The following NRXN1 variants were observed in gnomAD, a reference collection of about 807,000 sequenced individuals.
The protein encoded by NRXN1 is neurexin 1, also known as neurexin-1.
NRXN1 carries 39 observed loss-of-function variants against 150.9 expected under a neutral mutation model. The ratio of observed to expected loss-of-function variants is 0.26; its 90% CI spans 0.20 to 0.34. NRXN1 has a LOEUF of 0.34. NRXN1 is among the 10% of genes least tolerant of loss of function. NRXN1 has a pLI of 1.00. For missense variants in NRXN1, 1,815 were observed against 1,949.9 expected, an observed-to-expected ratio of 0.93 and a Z score of 1.30; for synonymous variants, 924 against 757.0, an observed-to-expected ratio of 1.22 and a Z score of -3.62.
rs1697053920 is a variant in NRXN1, at chr2:50,076,097, T to C, written c.3718+15226A>G. Among the ~76,000 whole-genome samples the C allele has an allele frequency of 7.2e-5, 11 of 152,332 alleles. No homozygotes were observed. In the South Asian group the frequency reaches 2.3e-3, roughly 32 times the overall value. On this transcript the variant is annotated intron_variant, in intron 19 of 22. Transcript: ENST00000401669. ...TCTAAAATTGTACAGAACATATATT[T>C]TGTGCCACTCATTTGAACTATGTCT...
At chr2:50,238,049 T>G (rs1410469397) in intron 17 of NRXN1, among the ~76,000 whole-genome samples, 1 of 152,046 alleles carries the variant, frequency 6.6e-6, no homozygotes, top group Non-Finnish European at 1.5e-5. Context: ...TGAGGCCTCC[T>G]CAGCCACACA....
At position 50,236,577 on chromosome 2, in the gene NRXN1, CA is replaced by C. The variant is rs35377914; in HGVS notation, c.3546+211del. Among the ~76,000 whole-genome samples the C allele has an allele frequency of 0.47, 55,420 of 118,784 alleles. 10,526 individuals are homozygous for C. Among genetic ancestry groups the C allele is most frequent in the Middle Eastern group, 0.53 (124 of 232 alleles). 77.9% of individuals were successfully genotyped at this position (118,784 alleles called of 152,430 possible). ...ACAGAATTAAGAGGAATTCACACTC[CA>C]AAAAAAAAAAAAAAAAGTTTGCATT... On this transcript the variant is annotated intron_variant, in intron 18 of 22. Transcript: ENST00000401669.
intron 19 of NRXN1, among the ~76,000 whole-genome samples, chr2:50,074,750 T>C (rs778310832): frequency 6.6e-6 from 1 of 152,194 alleles, no homozygotes; most frequent in South Asian, 2.1e-4. Flanking sequence ...AAGTACATTA[T>C]CTTATAAAAC....
intron 5 of NRXN1, among the ~76,000 whole-genome samples, chr2:50,860,735 G>C (rs1349122180): frequency 1.3e-5 from 2 of 152,046 alleles, no homozygotes; most frequent in East Asian, 3.9e-4. Context: ...TTCTTCCTCT[G>C]TGCCAGGCCA....
intron 5 of NRXN1, among the ~76,000 whole-genome samples, chr2:50,685,073 G>C (rs1489823582): frequency 6.6e-6 from 1 of 152,120 alleles, no homozygotes; most frequent in African/African-American, 2.4e-5. Context: ...ATTTTGGCTT[G>C]TTTCTCTCCT....
chr2:50,590,849 T>C (rs147555621), intron 8 of NRXN1, among the ~76,000 whole-genome samples: 1 of 152,236 alleles, frequency 6.6e-6, no homozygotes, highest in Non-Finnish European at 1.5e-5. Context: ...GCCCAGTCTA[T>C]GGTATTTTTG....
At chr2:50,173,631 T>C (rs897331489) in intron 18 of NRXN1, among the ~76,000 whole-genome samples, 1 of 152,214 alleles carries the variant, frequency 6.6e-6, no homozygotes, top group East Asian at 1.9e-4. Flanking sequence ...TCTACATGCA[T>C]AACGAGCCCA....
rs543026180 is a variant in NRXN1 at position 50,360,870 on chromosome 2, A to T, written c.3364+104572T>A. Among the ~76,000 whole-genome samples, 310 of 152,192 alleles carry T rather than the reference A, an allele frequency of 2.0e-3. 1 individual carries two copies. Among genetic ancestry groups the T allele is most frequent in the African/African-American group, 7.2e-3 (297 of 41,512 alleles). ...TTTACCACATAATTGGAAGTAAAAC[A>T]CTCCTCGGCAAATGCAAAAGAACAG... On this transcript the variant is annotated intron_variant, in intron 17 of 22. Coordinates refer to ENST00000401669, the MANE Select transcript of NRXN1 (RefSeq NM_001330078.2).
At chr2:50,378,225 A>G (rs2080672967) in intron 17 of NRXN1, among the ~76,000 whole-genome samples, 1 of 152,192 alleles carries the variant, frequency 6.6e-6, no homozygotes, top group Non-Finnish European at 1.5e-5. Context: ...TGATTTTCAT[A>G]GGCATACATG....
chr2:49,966,801 G>C (rs543902797), intron 21 of NRXN1: 1 of 152,116 alleles, frequency 6.6e-6, no homozygotes, highest in African/African-American at 2.4e-5. Context: ...CTGAAGTTGA[G>C]AAGAGAATTC....
chr2:50,824,766 G>A (rs1670217164), intron 5 of NRXN1, among the ~76,000 whole-genome samples: 1 of 152,150 alleles, frequency 6.6e-6, no homozygotes, highest in Admixed American at 6.5e-5. Flanking sequence ...CAGCCTAGGA[G>A]CATGGATACA....
chr2:49,946,307 T>C (rs1222956665), intron 21 of NRXN1, among the ~76,000 whole-genome samples: 4 of 152,214 alleles, frequency 2.6e-5, no homozygotes, highest in Non-Finnish European at 5.9e-5. Context: ...GACAGATAGA[T>C]TGCAAAAATT....
intron 17 of NRXN1, among the ~76,000 whole-genome samples, chr2:50,284,759 G>T (rs1242328253): frequency 2.0e-5 from 3 of 152,024 alleles, no homozygotes; most frequent in South Asian, 2.1e-4. Flanking sequence ...TTAAAAAATT[G>T]TCATACAAAA....
In NRXN1 at chr2:51,028,280, G is replaced by T. The variant is rs202002348; in HGVS notation, c.-7C>A. 7 of 1,435,160 alleles carry T rather than the reference G, an allele frequency of 4.9e-6. No individual in the cohort carries two copies. The African/African-American group carries it at 7.2e-5, about 15-fold the overall frequency. 88.9% of individuals were successfully genotyped at this position (1,435,160 alleles called of 1,614,324 possible). On this transcript the variant is annotated 5_prime_UTR_variant, in exon 2 of 23. Coordinates refer to ENST00000401669, the MANE Select transcript of NRXN1 (RefSeq NM_001330078.2). ...GGAGCAGCGCCGTCCCCATGCTCGG[G>T]GCTGGGGTGCGGCGGGGGGGTGCCG...
chr2:50,040,846 C>CT (rs375016363), intron 21 of NRXN1, among the ~76,000 whole-genome samples: 436 of 150,898 alleles, frequency 2.9e-3, no homozygotes, highest in Non-Finnish European at 4.8e-3. Context: ...ATTGTATTTT[C>CT]TTTTTTTTTC....
intron 18 of NRXN1, among the ~76,000 whole-genome samples, chr2:50,217,084 G>C (rs879871831): frequency 3.3e-5 from 5 of 151,992 alleles, no homozygotes; most frequent in Non-Finnish European, 7.4e-5. Flanking sequence ...CACTAGTGAA[G>C]ATTAATAAGG....
intron 2 of NRXN1, among the ~76,000 whole-genome samples, chr2:51,015,596 G>A (rs879616071): frequency 6.6e-6 from 1 of 151,666 alleles, no homozygotes; most frequent in Admixed American, 6.6e-5. Flanking sequence ...ACCTATGTCT[G>A]TACTTTTATG....
chr2:50,676,029 C>T (rs1689492709), intron 5 of NRXN1, among the ~76,000 whole-genome samples: 1 of 152,080 alleles, frequency 6.6e-6, no homozygotes, highest in Non-Finnish European at 1.5e-5. Context: ...ACGTAACCTC[C>T]AAAGTTGTAG....
intron 5 of NRXN1, among the ~76,000 whole-genome samples, chr2:50,625,594 G>C (rs1680877039): frequency 6.6e-6 from 1 of 151,998 alleles, no homozygotes; most frequent in African/African-American, 2.4e-5. Flanking sequence ...TGCTCCCCTG[G>C]TCAGTCCAAC....
Sources: allele counts gnomAD v4.1 joint callset (sites outside exome capture counted in the v4.1 genomes callset), GRCh38; gene constraint gnomAD v4.1.1; transcripts MANE v1.5; gene names NCBI Gene and HGNC (gene_info 2026-07-23, HGNC 2026-07-21).